ATP13A4: variants seen among roughly 807,000 people sequenced by gnomAD.
ATP13A4 encodes probable cation-transporting ATPase 13A4.
A neutral mutation model predicts 142.5 loss-of-function variants in ATP13A4; 114 were observed. The observed-to-expected ratio is 0.80, with a 90% CI of 0.69 to 0.93. The LOEUF (loss-of-function observed/expected upper bound fraction) is 0.93, where lower values mean the gene tolerates loss of function less well. Among genes scored for constraint, ATP13A4 ranks in the 40% least tolerant of loss-of-function variants. The probability of loss-of-function intolerance (pLI) is 0.00; values close to 1 mark genes in which losing one functional copy is unlikely to be tolerated. For synonymous variants in ATP13A4, 488 were observed against 514.8 expected (o/e 0.95, Z 0.70); for missense variants, 1,392 against 1,454.0 (o/e 0.96, Z 0.69).
chr3:193,412,744 A>G (rs996726359), intron 26 of ATP13A4, among the ~76,000 whole-genome samples: 5 of 152,154 alleles, frequency 3.3e-5, no homozygotes, highest in Non-Finnish European at 7.4e-5. Context: ...AATATCTCTG[A>G]TAATTTGGCC....
chr3:193,500,128 G>C (rs182096001), intron 3 of ATP13A4, among the ~76,000 whole-genome samples: 4 of 152,242 alleles, frequency 2.6e-5, no homozygotes, highest in Admixed American at 6.5e-5. Context: ...CAAGAGATGA[G>C]GTTTATTTGC....
At chr3:193,579,633 C>T (rs1178271645) in intron 2 of ATP13A4, among the ~76,000 whole-genome samples, 4 of 152,072 alleles carry the variant, frequency 2.6e-5, no homozygotes, top group African/African-American at 9.7e-5. Context: ...TAGGTTCTGG[C>T]CTACAGGATG....
At chr3:193,565,583 G>A (rs1425411098) in intron 2 of ATP13A4, among the ~76,000 whole-genome samples, 1 of 152,158 alleles carries the variant, frequency 6.6e-6, no homozygotes, top group Non-Finnish European at 1.5e-5. Flanking sequence ...GAAAATGAGA[G>A]CCAGGTAATC....
rs894952512 is a variant in ATP13A4, at chr3:193,591,854, G to T, written n.91+1167C>A. Among the ~76,000 whole-genome samples the T allele has an allele frequency of 5.7e-4, 86 of 151,980 alleles. 2 individuals are homozygous for T. Among genetic ancestry groups the T allele is most frequent in the Admixed American group, 2.0e-4 (3 of 15,264 alleles). On this transcript the variant is annotated intron_variant and non_coding_transcript_variant, in intron 1 of 3. Coordinates refer to the ATP13A4 transcript ENST00000489140. ...TTATTTTATTTTCTAAAATAACAAG[G>T]AAGTAACGATTACAAAGACACTTTT...
chr3:193,475,074 A>G (rs1718889430), intron 8 of ATP13A4, among the ~76,000 whole-genome samples: 1 of 152,076 alleles, frequency 6.6e-6, no homozygotes, highest in African/African-American at 2.4e-5. Flanking sequence ...ATCTTTATGG[A>G]GAGAAATTTT....
intron 2 of ATP13A4, among the ~76,000 whole-genome samples, chr3:193,504,020 T>TGTGTGTGTGTGTGTGTGTGTGTGAGA (rs1034644341): frequency 6.9e-5 from 10 of 144,214 alleles, no homozygotes; most frequent in Non-Finnish European, 9.1e-5. Context: ...TGTGTGTGTG[T>TGTGTGTGTGTGTGTGTGTGTGTGAGA]GAGAGAGAGA....
At chr3:193,419,522 G>A (rs754990082) in intron 25 of ATP13A4, among the ~76,000 whole-genome samples, 1 of 148,976 alleles carries the variant, frequency 6.7e-6, no homozygotes, top group East Asian at 2.1e-4. Context: ...CCCAGGAACT[G>A]GTGTGTTGGC....
intron 8 of ATP13A4, among the ~76,000 whole-genome samples, chr3:193,477,891 C>A (rs1483725141): frequency 6.6e-6 from 1 of 151,890 alleles, no homozygotes; most frequent in African/African-American, 2.4e-5. Context: ...GAACTACTAG[C>A]AAATGAACAA....
intron 1 of ATP13A4, among the ~76,000 whole-genome samples, chr3:193,520,509 A>G (rs1721660286): frequency 6.6e-6 from 1 of 152,154 alleles, no homozygotes; most frequent in Admixed American, 6.5e-5. Context: ...AAAGATGCTA[A>G]AGGTAAGACT....
At chr3:193,577,442 A>G (rs553834465) in intron 2 of ATP13A4, among the ~76,000 whole-genome samples, 80 of 152,298 alleles carry the variant, frequency 5.3e-4, no homozygotes, top group African/African-American at 1.9e-3. Flanking sequence ...TTCATCCTTT[A>G]AAATCCAGCT....
chr3:193,477,356 T>A (rs749858942), intron 8 of ATP13A4, among the ~76,000 whole-genome samples: 38 of 152,192 alleles, frequency 2.5e-4, no homozygotes, highest in Admixed American at 2.6e-4. Context: ...AAAAGATTCA[T>A]TAAGTTGATA....
upstream of ATP13A4, among the ~76,000 whole-genome samples, chr3:193,557,286 TGA>T (rs1234577774): frequency 1.3e-5 from 2 of 152,210 alleles, no homozygotes; most frequent in Non-Finnish European, 2.9e-5. Flanking sequence ...ACTCCAGTAG[TGA>T]GAGAGTTTCC....
intron 13 of ATP13A4, among the ~76,000 whole-genome samples, chr3:193,462,483 G>C (rs1393828830): frequency 6.6e-6 from 1 of 152,118 alleles, no homozygotes; most frequent in Non-Finnish European, 1.5e-5. Flanking sequence ...CTTCATGCTG[G>C]AAGCAAATTA....
At chr3:193,407,006 G>C (rs1173387738) in intron 29 of ATP13A4, among the ~76,000 whole-genome samples, 3 of 152,174 alleles carry the variant, frequency 2.0e-5, no homozygotes, top group African/African-American at 7.2e-5. Context: ...ATGTTATGGT[G>C]CGTGAATCAT....
chr3:193,507,348 T>C (rs1720912276), intron 2 of ATP13A4, among the ~76,000 whole-genome samples: 1 of 152,172 alleles, frequency 6.6e-6, no homozygotes, highest in African/African-American at 2.4e-5. Context: ...TTTCTTTCTC[T>C]TTCCCTCTCC....
rs1716441100 is a variant in ATP13A4, at chr3:193,438,597, A to T, written c.2563-13T>A. ...CCATTTTCAGAGCCTGAAAGCAAAG[A>T]ATCAGCTTACTCCTCACATAGACTC... On this transcript the variant is annotated splice_polypyrimidine_tract_variant and intron_variant, in intron 22 of 29. Transcript: ENST00000342695. 6.2e-7 allele frequency: 1 copy of T among 1,607,070 alleles called. No homozygotes were observed. Among genetic ancestry groups the T allele is most frequent in the Non-Finnish European group, 8.5e-7 (1 of 1,173,780 alleles).
intron 1 of ATP13A4, among the ~76,000 whole-genome samples, chr3:193,529,823 A>G (rs1421789018): frequency 6.6e-6 from 1 of 152,162 alleles, no homozygotes; most frequent in Non-Finnish European, 1.5e-5. Context: ...ATTTTACACC[A>G]ATTTAAGTTT....
At chr3:193,441,675 A>G in intron 19 of ATP13A4, 87 bp from the exon 20 acceptor site, 1 of 1,481,694 alleles carries the variant, frequency 6.7e-7, no homozygotes, top group Non-Finnish European at 9.4e-7. Context: ...GTTAATGAAG[A>G]CAGACCAGGA....
At chr3:193,543,167 C>CAAAAAAAAAAAAA (rs566660322) in intron 1 of ATP13A4, among the ~76,000 whole-genome samples, 13 of 115,130 alleles carry the variant, frequency 1.1e-4, no homozygotes, top group Non-Finnish European at 1.4e-4. Flanking sequence ...GACTCCATCT[C>CAAAAAAAAAAAAA]AAAAAAAAAA....
Sources: allele counts gnomAD v4.1 joint callset (sites outside exome capture counted in the v4.1 genomes callset), GRCh38; gene constraint gnomAD v4.1.1; transcripts MANE v1.5; gene names NCBI Gene and HGNC (gene_info 2026-07-23, HGNC 2026-07-21).